COL13A1: variants seen among roughly 807,000 people sequenced by gnomAD.
COL13A1 encodes collagen type XIII alpha 1 chain.
Under a neutral mutation model 130.9 loss-of-function variants are expected in COL13A1, and 89 were observed. The observed-to-expected ratio is 0.68, with a 90% CI of 0.57 to 0.81. The LOEUF is 0.81. COL13A1 is among the 30% of genes least tolerant of loss of function. The pLI is 0.00. For synonymous variants in COL13A1, 402 were observed against 341.6 expected, an observed-to-expected ratio of 1.18 and a Z score of -1.95; for missense variants, 879 against 934.6, an observed-to-expected ratio of 0.94 and a Z score of 0.78.
At chr10:69,944,477 G>A (rs1258074022) in intron 36 of COL13A1, among the ~76,000 whole-genome samples, 3 of 152,150 alleles carry the variant, frequency 2.0e-5, no homozygotes, top group South Asian at 4.1e-4. Context: ...ACAACATAGC[G>A]CAACCCAGAC....
Position 69,894,584 on chromosome 10 carries a change from T to C in COL13A1, c.630+6T>C. On this transcript the variant is annotated splice_donor_region_variant and intron_variant, in intron 11 of 40. Coordinates refer to ENST00000645393, the MANE Select transcript of COL13A1 (RefSeq NM_001368882.1). The stretch of plus-strand genomic sequence containing the variant: ...CGGGTCCCCCAGGACAGCCGGTTGG[T>C]ACCTCATCCATCTATTTCCCAGCAG... 6.2e-7 allele frequency: 1 copy of C among 1,614,036 alleles called. No homozygotes were observed. Among genetic ancestry groups the C allele is most frequent in the African/African-American group, 1.3e-5 (1 of 75,062 alleles).
intron 40 of COL13A1, among the ~76,000 whole-genome samples, chr10:69,958,201 A>G (rs1340113907): frequency 2.6e-5 from 4 of 152,204 alleles, no homozygotes; most frequent in Admixed American, 2.6e-4. Flanking sequence ...AGACCTAGTT[A>G]AAGCGCCACA....
rs543191114 is a variant in COL13A1 at position 69,908,614 on chromosome 10, C to T, written c.921+2792C>T. On this transcript the variant is annotated intron_variant, in intron 17 of 40. Transcript: ENST00000645393. ...GGCATGGGGTCTGCTGTCCTGAGTACGGAGAATCCTCTGCTTGGGGTTAGG... is the reference window on the plus strand; with the variant it reads ...GGCATGGGGTCTGCTGTCCTGAGTATGGAGAATCCTCTGCTTGGGGTTAGG... Among the ~76,000 whole-genome samples, 16 of 152,270 alleles carry T rather than the reference C, an allele frequency of 1.1e-4. No homozygotes were observed. In the East Asian group the frequency reaches 1.5e-3, roughly 15 times the overall value.
intron 17 of COL13A1, among the ~76,000 whole-genome samples, chr10:69,912,117 A>G (rs2063445855): frequency 1.3e-5 from 2 of 152,188 alleles, no homozygotes; most frequent in Non-Finnish European, 2.9e-5. Context: ...CCTTGTGGAG[A>G]CTAAAGCGAC....
chr10:69,849,881 C>T (rs554253308), intron 2 of COL13A1, among the ~76,000 whole-genome samples: 1 of 152,326 alleles, frequency 6.6e-6, no homozygotes, highest in South Asian at 2.1e-4. Flanking sequence ...TGAAACTGGG[C>T]CCCACGGCCA....
At chr10:69,950,113 G>A (rs11816683) in intron 38 of COL13A1, among the ~76,000 whole-genome samples, 30,907 of 151,542 alleles carry the variant, frequency 0.2, 3,474 homozygotes, top group Admixed American at 0.26. Flanking sequence ...TGTTCATTCC[G>A]TTATAATAGT....
intron 2 of COL13A1, among the ~76,000 whole-genome samples, chr10:69,841,800 G>A (rs896084916): frequency 1.6e-4 from 25 of 152,340 alleles, no homozygotes; most frequent in Non-Finnish European, 1.9e-4. Context: ...TTCCAGGCAA[G>A]GGAACAGCAA....
intron 3 of COL13A1, among the ~76,000 whole-genome samples, chr10:69,869,923 A>G (rs903150821): frequency 6.6e-6 from 1 of 152,250 alleles, no homozygotes; most frequent in Non-Finnish European, 1.5e-5. Context: ...TTGCTGAAAT[A>G]GTAGCTAACA....
At chr10:69,897,235 G>T (rs1589374241) in intron 13 of COL13A1, among the ~76,000 whole-genome samples, 1 of 152,172 alleles carries the variant, frequency 6.6e-6, no homozygotes, top group Non-Finnish European at 1.5e-5. Flanking sequence ...TTTAGAAGAG[G>T]GTAGAAAATC....
chr10:69,906,458 C>T (rs2062761763), intron 17 of COL13A1, among the ~76,000 whole-genome samples: 1 of 152,098 alleles, frequency 6.6e-6, no homozygotes, highest in African/African-American at 2.4e-5. Flanking sequence ...GGCTGGGGGG[C>T]CCTGTTCTCC....
At position 69,876,562 on chromosome 10, in the gene COL13A1, A is replaced by G. The variant is rs140043453; in HGVS notation, c.435+1399A>G. Among the ~76,000 whole-genome samples, 510 of 152,228 alleles carry G rather than the reference A, an allele frequency of 3.4e-3. 2 individuals carry two copies. Among genetic ancestry groups the G allele is most frequent in the African/African-American group, 0.012 (478 of 41,544 alleles). On this transcript the variant is annotated intron_variant, in intron 5 of 40. Coordinates refer to ENST00000645393, the MANE Select transcript of COL13A1 (RefSeq NM_001368882.1). Reference sequence around the variant, plus strand: ...CCCACCACTTCCCAGAGCAGAGCACAGTGGAATTGCTGCCCGGCCCTGTCT... The same window carrying G: ...CCCACCACTTCCCAGAGCAGAGCACGGTGGAATTGCTGCCCGGCCCTGTCT...
At chr10:69,857,277 T>C (rs1188764206) in intron 2 of COL13A1, among the ~76,000 whole-genome samples, 2 of 152,206 alleles carry the variant, frequency 1.3e-5, no homozygotes, top group African/African-American at 4.8e-5. Flanking sequence ...CTTAAATCTG[T>C]ACTATTTCAC....
intron 10 of COL13A1, among the ~76,000 whole-genome samples, chr10:69,889,746 T>C (rs1452589026): frequency 6.6e-6 from 1 of 152,186 alleles, no homozygotes; most frequent in Non-Finnish European, 1.5e-5. Flanking sequence ...GCATGGGCCT[T>C]GGGAGACAAG....
At chr10:69,949,950 G>GTGTTTGTGTGTGTGTGTGTGTGTGCGCA (rs2069171405) in intron 38 of COL13A1, among the ~76,000 whole-genome samples, 1 of 107,398 alleles carries the variant, frequency 9.3e-6, no homozygotes, top group African/African-American at 2.8e-5. Flanking sequence ...GTGTGTGTGC[G>GTGTTTGTGTGTGTGTGTGTGTGTGCGCA]TGTGTTTGTG....
intron 15 of COL13A1, 38 bp from the exon 16 acceptor site, chr10:69,904,895 T>C (rs1473402702): frequency 6.5e-6 from 10 of 1,534,726 alleles, no homozygotes; most frequent in Non-Finnish European, 8.7e-6. Context: ...CTACTCACCT[T>C]TTCTTTTTTC....
chr10:69,902,697 G>A, intron 14 of COL13A1, 51 bp from the exon 15 acceptor site: 5 of 1,470,946 alleles, frequency 3.4e-6, no homozygotes, highest in Non-Finnish European at 4.6e-6. Context: ...GTGGGGGACG[G>A]TCTGCAGCTC....
chr10:69,802,732 T>C lies in COL13A1; in HGVS notation c.294+15T>C, dbSNP rs757864671. ...TGCTGGACGAGGTCTGTGCTCTTTG[T>C]TGCTGGCTTTTATCCCTCCCCGCGG... On this transcript the variant is annotated intron_variant, in intron 1 of 40. Coordinates refer to ENST00000645393, the MANE Select transcript of COL13A1 (RefSeq NM_001368882.1). 19 of 1,608,606 alleles carry C rather than the reference T, an allele frequency of 1.2e-5. No individual in the cohort carries two copies. The highest frequency in any genetic ancestry group is 6.7e-5 in the Admixed American group (4 of 59,846).
In COL13A1 at chr10:69,888,302, A is replaced by G. The variant is rs2134557917; in HGVS notation, c.550-2A>G. On this transcript the variant is annotated splice_acceptor_variant, in intron 8 of 40. Coordinates refer to ENST00000645393, the MANE Select transcript of COL13A1 (RefSeq NM_001368882.1). LOFTEE classifies it high-confidence loss of function. ...CTTTACATCTGGCCTTTCTGGTTTC[A>G]GGGTCCCATTGGGCTGGACGGCAAA... is the stretch of plus-strand genomic sequence containing the variant. 12 of 1,612,848 alleles carry G rather than the reference A, an allele frequency of 7.4e-6. No individual in the cohort carries two copies. Among genetic ancestry groups the G allele is most frequent in the Non-Finnish European group, 1.0e-5 (12 of 1,179,500 alleles).
rs1426709788 is a variant in COL13A1 at position 69,828,481 on chromosome 10, TA to T, written c.364+6045del. Among the ~76,000 whole-genome samples the T allele has an allele frequency of 3.3e-5, 5 of 152,320 alleles. No homozygotes were observed. In the East Asian group the frequency reaches 9.6e-4, roughly 29 times the overall value. ...GTGCTCATACCCCCCATCCCAAAGA[TA>T]AGCCCACTTTGTCTCTCTAGCCTGA... On this transcript the variant is annotated intron_variant, in intron 2 of 40. Transcript: ENST00000645393.
Sources: gnomAD v4.1 joint callset for allele counts (sites outside exome capture counted in the v4.1 genomes callset) on GRCh38, gnomAD v4.1.1 for gene constraint, MANE v1.5 for transcripts, NCBI Gene and HGNC (gene_info 2026-07-23, HGNC 2026-07-21) for gene names.